The following KIRREL3 variants were observed in gnomAD, a reference collection of about 807,000 sequenced individuals.
KIRREL3 encodes the protein kin of IRRE-like protein 3.
In KIRREL3, 36 loss-of-function variants were observed where a neutral mutation model predicts 89.7. That is an observed-to-expected ratio of 0.40 (90% CI 0.31 to 0.53). The LOEUF is 0.53. KIRREL3 is among the 20% of genes least tolerant of loss of function. The pLI, the probability that KIRREL3 is intolerant of heterozygous loss-of-function variation, is 0.49. For synonymous variants in KIRREL3, 445 were observed against 441.4 expected (o/e 1.01, Z -0.10); for missense variants, 864 against 1,056.6 (o/e 0.82, Z 2.53).
chr11:126,952,256 C>T (rs1371234288), intron 1 of KIRREL3, among the ~76,000 whole-genome samples: 1 of 152,126 alleles, frequency 6.6e-6, no homozygotes, highest in Non-Finnish European at 1.5e-5. Context: ...TGTGGTGGCA[C>T]ATGCCTGTAA....
intron 1 of KIRREL3, among the ~76,000 whole-genome samples, chr11:126,758,149 T>C (rs1474305030): frequency 6.6e-6 from 1 of 152,224 alleles, no homozygotes; most frequent in East Asian, 1.9e-4. Context: ...ACTCTCAAAG[T>C]ACTAGCCAGC....
chr11:126,834,406 G>C (rs1026592703), intron 1 of KIRREL3, among the ~76,000 whole-genome samples: 1 of 152,202 alleles, frequency 6.6e-6, no homozygotes, highest in Non-Finnish European at 1.5e-5. Flanking sequence ...AGAAAAGCCT[G>C]ACTCACAGAT....
chr11:126,802,601 G>A lies in KIRREL3; in HGVS notation c.55+197854C>T, dbSNP rs1046458069. 6.6e-6 allele frequency among the ~76,000 whole-genome samples: 1 copy of A among 152,140 alleles called. No homozygotes were observed. Among genetic ancestry groups the A allele is most frequent in the Non-Finnish European group, 1.5e-5 (1 of 68,030 alleles). On this transcript the variant is annotated intron_variant, in intron 1 of 16. Transcript: ENST00000525144. The surrounding 1 kb of genome is among the most constrained non-coding windows in gnomAD (Gnocchi z 5.2). The stretch of plus-strand genomic sequence containing the variant: ...TGAGTGTGGGCATGTGTGTGTGTGA[G>A]TGACCCTGCGATGGGAGGGTGTCCT...
Position 126,718,761 on chromosome 11 carries a change from CA to C in KIRREL3, c.56-155850del, listed in dbSNP as rs769702134. On this transcript the variant is annotated intron_variant, in intron 1 of 16. Coordinates refer to ENST00000525144, the MANE Select transcript of KIRREL3 (RefSeq NM_032531.4). ...ACAATAAGTGATTTGCCAAGTTCAC[CA>C]GGGGCAGGGAAGCTATGGGCAGAGC... Among the ~76,000 whole-genome samples, 243 of 152,222 alleles carry C rather than the reference CA, an allele frequency of 1.6e-3. 1 individual carries two copies. Among genetic ancestry groups the C allele is most frequent in the Non-Finnish European group, 2.9e-3 (198 of 68,014 alleles).
rs374097789 is a variant in KIRREL3, at chr11:126,597,850, T to C, written c.56-34938A>G. Among the ~76,000 whole-genome samples, 21 of 152,364 alleles carry C rather than the reference T, an allele frequency of 1.4e-4. No individual in the cohort carries two copies. The South Asian group carries it at 4.3e-3, about 32-fold the overall frequency. On this transcript the variant is annotated intron_variant, in intron 1 of 16. Coordinates refer to ENST00000525144, the MANE Select transcript of KIRREL3 (RefSeq NM_032531.4). The stretch of plus-strand genomic sequence containing the variant: ...CTGCACCCATTCCTGTCTTCACTTT[T>C]CTACCTACCTTGATCAGTACTGTAT...
rs1340311281 is a variant in KIRREL3 at position 126,872,422 on chromosome 11, A to G, written c.55+128033T>C. Among the ~76,000 whole-genome samples, 1 of 152,202 alleles carries G rather than the reference A, an allele frequency of 6.6e-6. No homozygotes were observed. ...GCTTATGGGGTAGCCCTGCTCAGCA[A>G]GGAGCGGCTCCCCTGCTGCTGCTGT... On this transcript the variant is annotated intron_variant, in intron 1 of 16. Transcript: ENST00000525144. This position sits in a 1 kb window ranked among gnomAD's most constrained non-coding sequence, Gnocchi z 4.2.
Position 126,783,989 on chromosome 11 carries a change from A to G in KIRREL3, c.55+216466T>C, listed in dbSNP as rs564348837. Among the ~76,000 whole-genome samples the G allele has an allele frequency of 6.6e-6, 1 of 152,308 alleles. No homozygotes were observed. The highest frequency in any genetic ancestry group is 1.5e-5 in the Non-Finnish European group (1 of 68,028). On this transcript the variant is annotated intron_variant, in intron 1 of 16. Coordinates refer to ENST00000525144, the MANE Select transcript of KIRREL3 (RefSeq NM_032531.4). This position sits in a 1 kb window ranked among gnomAD's most constrained non-coding sequence, Gnocchi z 4.3. ...GGTCTTCCCCCTCGACCTCAGTGTA[A>G]TCTTGAAAAGAGCATCAAACAAATC...
chr11:126,871,689 C>A (rs548236195), intron 1 of KIRREL3, among the ~76,000 whole-genome samples: 29 of 152,266 alleles, frequency 1.9e-4, no homozygotes, highest in African/African-American at 5.5e-4. Flanking sequence ...ACCCTTGTGG[C>A]ATTTGTTTGA....
chr11:126,707,524 A>C (rs1947580612), intron 1 of KIRREL3, among the ~76,000 whole-genome samples: 1 of 152,126 alleles, frequency 6.6e-6, no homozygotes, highest in Non-Finnish European at 1.5e-5. Context: ...CTATGTCTAT[A>C]CTCTATGTCA....
intron 12 of KIRREL3, among the ~76,000 whole-genome samples, chr11:126,435,507 C>T (rs755160039): frequency 1.4e-3 from 161 of 116,328 alleles, no homozygotes; most frequent in Non-Finnish European, 2.2e-3. Context: ...GGCTAGGGAC[C>T]GGAGAGAGAT....
At chr11:126,499,151 C>CAAAA (rs33937623) in intron 4 of KIRREL3, among the ~76,000 whole-genome samples, 3,849 of 128,876 alleles carry the variant, frequency 0.03, 196 homozygotes, top group African/African-American at 0.092. Context: ...GACTCCGTTT[C>CAAAA]AAAAAAAAAA....
rs1336595491 is a variant in KIRREL3 at position 126,455,783 on chromosome 11, C to A, written c.848+566G>T. 6.6e-6 allele frequency among the ~76,000 whole-genome samples: 1 copy of A among 152,020 alleles called. No homozygotes were observed. Among genetic ancestry groups the A allele is most frequent in the African/African-American group, 2.4e-5 (1 of 41,390 alleles). ...CTGCACTCCAGCCTGGGTGACAGAGCGAGACTCTGTCTCAAAACAAACAAA... is the reference window on the plus strand; with the variant it reads ...CTGCACTCCAGCCTGGGTGACAGAGAGAGACTCTGTCTCAAAACAAACAAA... On this transcript the variant is annotated intron_variant, in intron 7 of 16. Transcript: ENST00000525144. The surrounding 1 kb of genome is among the most constrained non-coding windows in gnomAD (Gnocchi z 6.4).
intron 1 of KIRREL3, among the ~76,000 whole-genome samples, chr11:126,863,496 TGA>T (rs1470223733): frequency 0.017 from 112 of 6,466 alleles, 5 homozygotes; most frequent in African/African-American, 0.066. Context: ...AGTGCGTGTG[TGA>T]GTGTGAGTGC....
rs1289241751 is a variant in KIRREL3 at position 126,863,442 on chromosome 11, TGA to T, written c.55+137011_55+137012del. Among the ~76,000 whole-genome samples, 8 of 135,480 alleles carry T rather than the reference TGA, an allele frequency of 5.9e-5. 1 individual carries two copies. In the South Asian group the frequency reaches 8.1e-4, roughly 14 times the overall value. The allele number at this position is 135,480 out of a possible 152,430, so 88.9% of individuals were successfully genotyped here. A position where few individuals can be genotyped will look rare whatever the true frequency, so the allele number is the denominator to read the frequency against. ...GAGCGCATGTGTGTGAGTGCGTGTG[TGA>T]GTGTGTGTGTTTGAGTGCGTGTGTG... is the stretch of plus-strand genomic sequence containing the variant. On this transcript the variant is annotated intron_variant, in intron 1 of 16. Coordinates refer to ENST00000525144, the MANE Select transcript of KIRREL3 (RefSeq NM_032531.4).
At chr11:126,849,108 A>C (rs1464052323) in intron 1 of KIRREL3, among the ~76,000 whole-genome samples, 2 of 152,200 alleles carry the variant, frequency 1.3e-5, no homozygotes, top group Non-Finnish European at 2.9e-5. Context: ...TCGACACAAG[A>C]GGCAGGTCAT....
At position 126,608,277 on chromosome 11, in the gene KIRREL3, T is replaced by G. The variant is rs1942973026; in HGVS notation, c.56-45365A>C. Among the ~76,000 whole-genome samples, 1 of 152,216 alleles carries G rather than the reference T, an allele frequency of 6.6e-6. No homozygotes were observed. Among genetic ancestry groups the G allele is most frequent in the African/African-American group, 2.4e-5 (1 of 41,538 alleles). On this transcript the variant is annotated intron_variant, in intron 1 of 16. Coordinates refer to ENST00000525144, the MANE Select transcript of KIRREL3 (RefSeq NM_032531.4). The surrounding 1 kb of genome is among the most constrained non-coding windows in gnomAD (Gnocchi z 4.9). The stretch of plus-strand genomic sequence containing the variant: ...GAGCCTCCTATCCACCTGGCAGGCG[T>G]TTGGAACAACGTGCTGAATAACAGC...
chr11:126,662,906 C>CTTTTTTTTTTTTT (rs756193928), intron 1 of KIRREL3, among the ~76,000 whole-genome samples: 3 of 91,898 alleles, frequency 3.3e-5, no homozygotes, highest in African/African-American at 4.2e-5. Context: ...AAAGTCCTTT[C>CTTTTTTTTTTTTT]TTTTTTTTTT....
rs1175762427 is a variant in KIRREL3 at position 126,808,552 on chromosome 11, T to G, written c.55+191903A>C. The stretch of plus-strand genomic sequence containing the variant: ...TGCAGGGCTATACAAAAAGGTATTT[T>G]ATGTCCTTAGCCTTATAAATCAATT... On this transcript the variant is annotated intron_variant, in intron 1 of 16. Transcript: ENST00000525144. This position sits in a 1 kb window ranked among gnomAD's most constrained non-coding sequence, Gnocchi z 4.1. 1.3e-5 allele frequency among the ~76,000 whole-genome samples: 2 copies of G among 152,330 alleles called. No homozygotes were observed. The highest frequency in any genetic ancestry group is 4.8e-5 in the African/African-American group (2 of 41,574).
In KIRREL3 at chr11:126,909,694, C is replaced by T. The variant is rs373711803; in HGVS notation, c.55+90761G>A. On this transcript the variant is annotated intron_variant, in intron 1 of 16. Transcript: ENST00000525144. The surrounding 1 kb of genome is among the most constrained non-coding windows in gnomAD (Gnocchi z 4.5). ...AGAAATGTCCTTTGCTCTCCATAAC[C>T]CTAGGGGAGGCAGGATCTTGACCTC... Among the ~76,000 whole-genome samples, 21 of 152,238 alleles carry T rather than the reference C, an allele frequency of 1.4e-4. No individual in the cohort carries two copies. The East Asian group carries it at 3.9e-3, about 28-fold the overall frequency.
Sources: allele counts gnomAD v4.1 joint callset (sites outside exome capture counted in the v4.1 genomes callset), GRCh38; gene constraint gnomAD v4.1.1; non-coding constraint Gnocchi (gnomAD v3.1); transcripts MANE v1.5; gene names NCBI Gene and HGNC (gene_info 2026-07-23, HGNC 2026-07-21).